The following NFIC variants were observed in gnomAD, a reference collection of about 807,000 sequenced individuals.
The protein encoded by NFIC is nuclear factor 1 C-type.
Under a neutral mutation model 54.4 loss-of-function variants are expected in NFIC, and 12 were observed. That is an observed-to-expected ratio of 0.22 (90% CI 0.14 to 0.36). The LOEUF is 0.36. Among genes scored for constraint, NFIC ranks in the 10% least tolerant of loss-of-function variants. NFIC has a pLI of 1.00. For synonymous variants in NFIC, 322 were observed against 319.2 expected (o/e 1.01, Z -0.09); for missense variants, 575 against 718.2 (o/e 0.80, Z 2.28).
intron 2 of NFIC, among the ~76,000 whole-genome samples, chr19:3,415,411 CTG>C (rs1315183150): frequency 9.2e-5 from 14 of 152,116 alleles, no homozygotes; most frequent in African/African-American, 1.7e-4. Flanking sequence ...GTGAGCTCTA[CTG>C]CGCCCGGCCA....
intron 6 of NFIC, among the ~76,000 whole-genome samples, chr19:3,447,405 G>C (rs1010631435): frequency 1.3e-5 from 2 of 151,944 alleles, no homozygotes; most frequent in African/African-American, 4.8e-5. Context: ...GGCCCTCTTT[G>C]GGGCTCTGTG....
Position 3,404,145 on chromosome 19 carries a change from C to CA in NFIC, c.563-20961_563-20960insA, listed in dbSNP as rs972768807. On this transcript the variant is annotated intron_variant, in intron 2 of 10. Transcript: ENST00000443272. Reference sequence around the variant, plus strand: ...CCCGAGGCCTGCCCTTCTCCCCCCCCCGTCACAGCCGCCGAGTCAGGCCTG... The same window carrying CA: ...CCCGAGGCCTGCCCTTCTCCCCCCCCACGTCACAGCCGCCGAGTCAGGCCTG... 8.3e-4 allele frequency among the ~76,000 whole-genome samples: 126 copies of CA among 151,044 alleles called. 1 individual carries two copies. In the East Asian group the frequency reaches 0.014, roughly 17 times the overall value.
Position 3,375,762 on chromosome 19 carries a change from C to T in NFIC, c.31-5950C>T, listed in dbSNP as rs567011184. Reference sequence around the variant, plus strand: ...CTGCCCCTCCCCCCGAAGCACCCCACGGCCGGAGGTGGCCCAAGGGGACGT... The same window carrying T: ...CTGCCCCTCCCCCCGAAGCACCCCATGGCCGGAGGTGGCCCAAGGGGACGT... On this transcript the variant is annotated intron_variant, in intron 1 of 10. Coordinates refer to ENST00000443272, the MANE Select transcript of NFIC (RefSeq NM_001245002.2). The surrounding 1 kb of genome is among the most constrained non-coding windows in gnomAD (Gnocchi z 4.6). 5.4e-4 allele frequency among the ~76,000 whole-genome samples: 82 copies of T among 152,306 alleles called. No individual in the cohort carries two copies. The Middle Eastern group carries it at 0.014, about 25-fold the overall frequency.
chr19:3,445,421 A>G (rs987372779), intron 6 of NFIC, among the ~76,000 whole-genome samples: 1 of 152,180 alleles, frequency 6.6e-6, no homozygotes, highest in Non-Finnish European at 1.5e-5. Context: ...CCGAGGCCTC[A>G]GGAGTGTTCC....
intron 10 of NFIC, among the ~76,000 whole-genome samples, chr19:3,457,378 T>C (rs1316726256): frequency 6.6e-6 from 1 of 152,086 alleles, no homozygotes; most frequent in Non-Finnish European, 1.5e-5. Context: ...TGCCTGAGGC[T>C]GCACAGTAGT....
chr19:3,394,838 CG>C (rs766597826), intron 2 of NFIC, among the ~76,000 whole-genome samples: 32 of 152,044 alleles, frequency 2.1e-4, no homozygotes, highest in Admixed American at 3.3e-4. Flanking sequence ...ATCCAGGTTG[CG>C]TGCTCCTTAG....
At chr19:3,414,692 C>G (rs948033758) in intron 2 of NFIC, among the ~76,000 whole-genome samples, 2 of 151,804 alleles carry the variant, frequency 1.3e-5, no homozygotes, top group Non-Finnish European at 2.9e-5. Context: ...AATAGGCAAC[C>G]CCTTCTAGTT....
At chr19:3,403,997 G>A (rs1195199448) in intron 2 of NFIC, among the ~76,000 whole-genome samples, 3 of 152,056 alleles carry the variant, frequency 2.0e-5, no homozygotes, top group African/African-American at 7.2e-5. Context: ...GGCTCCCGGG[G>A]CTCCCTTCTC....
At chr19:3,435,494 C>T (rs1028247248) in intron 6 of NFIC, among the ~76,000 whole-genome samples, 1 of 152,210 alleles carries the variant, frequency 6.6e-6, no homozygotes, top group African/African-American at 2.4e-5. Flanking sequence ...GTGGGGTCCC[C>T]GAGCTGCAGG....
intron 10 of NFIC, among the ~76,000 whole-genome samples, chr19:3,460,193 C>G (rs537245020): frequency 6.6e-6 from 1 of 152,322 alleles, no homozygotes; most frequent in African/African-American, 2.4e-5. Flanking sequence ...TTCTGTGGAG[C>G]AAGAGGGGGC....
At chr19:3,431,610 C>G (rs1307443132) in intron 3 of NFIC, among the ~76,000 whole-genome samples, 1 of 152,034 alleles carries the variant, frequency 6.6e-6, no homozygotes, top group African/African-American at 2.4e-5. Context: ...CTCAAGTGAT[C>G]CACCTGCCTC....
chr19:3,407,047 T>C (rs757149048), intron 2 of NFIC, among the ~76,000 whole-genome samples: 12 of 151,288 alleles, frequency 7.9e-5, no homozygotes, highest in Non-Finnish European at 1.5e-4. Context: ...AGAGGCGGGC[T>C]GTGCAGGGCC....
At chr19:3,380,125 T>C (rs1179720179) in intron 1 of NFIC, among the ~76,000 whole-genome samples, 3 of 151,480 alleles carry the variant, frequency 2.0e-5, no homozygotes, top group Admixed American at 6.6e-5. Flanking sequence ...CTCAGCCTCC[T>C]GAGTAGCTGG....
chr19:3,366,546 T>TGGGGGGGGGG (rs1568394588), upstream of NFIC: 13 of 317,340 alleles, frequency 4.1e-5, no homozygotes, highest in South Asian at 2.4e-4. Context: ...GGGGGGGGGG[T>TGGGGGGGGGG]TGGGGGGGGC....
chr19:3,461,393 A>G (rs2121958900), intron 10 of NFIC, among the ~76,000 whole-genome samples: 1 of 152,328 alleles, frequency 6.6e-6, no homozygotes, highest in Admixed American at 6.5e-5. Flanking sequence ...ACTGCACTCC[A>G]GCCTGGGCAA....
chr19:3,463,172 C>CCCGGAGGCCCTGGCTCTGT lies in NFIC; in HGVS notation c.*410_*428dup, dbSNP rs1329978446. On this transcript the variant is annotated 3_prime_UTR_variant, in exon 11 of 11. Transcript: ENST00000443272. ...ACAGACGCCGGCCGCCCGCCCGCGCCCCGGAGGCCCTGGCTCTGTCCGGAG... is the reference window on the plus strand; with the variant it reads ...ACAGACGCCGGCCGCCCGCCCGCGCCCCGGAGGCCCTGGCTCTGTCCGGAGGCCCTGGCTCTGTCCGGAG... 5 of 1,074,008 alleles carry CCCGGAGGCCCTGGCTCTGT rather than the reference C, an allele frequency of 4.7e-6. No individual in the cohort carries two copies. Among genetic ancestry groups the CCCGGAGGCCCTGGCTCTGT allele is most frequent in the African/African-American group, 1.7e-5 (1 of 58,728 alleles). The allele number at this position is 1,074,008 out of a possible 1,614,324, so 66.5% of individuals were successfully genotyped here.
chr19:3,385,634 G>T (rs1170198449), intron 2 of NFIC, among the ~76,000 whole-genome samples: 2 of 144,610 alleles, frequency 1.4e-5, no homozygotes, highest in Admixed American at 1.4e-4. Flanking sequence ...GTGCAATGAC[G>T]CAATCTTGGC....
chr19:3,448,037 TG>T (rs1490800421), intron 6 of NFIC, among the ~76,000 whole-genome samples: 4 of 152,208 alleles, frequency 2.6e-5, no homozygotes, highest in Non-Finnish European at 5.9e-5. Flanking sequence ...CCCAAGTAGC[TG>T]GGATTACAGG....
At chr19:3,419,109 C>T (rs571178331) in intron 2 of NFIC, among the ~76,000 whole-genome samples, 5 of 152,044 alleles carry the variant, frequency 3.3e-5, no homozygotes, top group African/African-American at 1.2e-4. Flanking sequence ...TTCATGGGGA[C>T]AGAGTTTCAG....
Sources: gnomAD v4.1 joint callset for allele counts (sites outside exome capture counted in the v4.1 genomes callset) on GRCh38, gnomAD v4.1.1 for gene constraint, Gnocchi (gnomAD v3.1) non-coding constraint, MANE v1.5 for transcripts, NCBI Gene and HGNC (gene_info 2026-07-23, HGNC 2026-07-21) for gene names.